RSRC1: variants seen among roughly 807,000 people sequenced by gnomAD.
The protein encoded by RSRC1 is serine/Arginine-related protein 53.
Under a neutral mutation model 49.1 loss-of-function variants are expected in RSRC1, and 39 were observed. That is an observed-to-expected ratio of 0.79 (90% CI 0.61 to 1.04). The LOEUF (loss-of-function observed/expected upper bound fraction) is 1.04. Among genes scored for constraint, RSRC1 ranks in the 50% least tolerant of loss-of-function variants. The pLI is 0.00. For missense variants in RSRC1, 388 were observed against 402.4 expected (o/e 0.96, Z 0.31); for synonymous variants, 143 against 130.8 (o/e 1.09, Z -0.63).
chr3:158,180,612 C>T (rs1719542196), intron 3 of RSRC1, among the ~76,000 whole-genome samples: 1 of 149,740 alleles, frequency 6.7e-6, no homozygotes, highest in Non-Finnish European at 1.5e-5. Context: ...ACAGATGTGC[C>T]TCTAGACCAC....
chr3:158,276,073 T>A, intron 4 of RSRC1: 1 of 871,864 alleles, frequency 1.1e-6, no homozygotes, highest in Non-Finnish European at 1.9e-6. Context: ...CCAGTAAGAA[T>A]TCAGGACTCT....
chr3:158,191,668 A>G (rs1720253766), intron 3 of RSRC1, among the ~76,000 whole-genome samples: 1 of 152,110 alleles, frequency 6.6e-6, no homozygotes. Context: ...TTTGCTTATA[A>G]TAGATCTCCA....
intron 7 of RSRC1, among the ~76,000 whole-genome samples, chr3:158,465,222 A>G (rs1015142021): frequency 1.3e-5 from 2 of 152,130 alleles, no homozygotes; most frequent in African/African-American, 4.8e-5. Flanking sequence ...TCAATGTAAG[A>G]TACTCATAGT....
At chr3:158,493,121 A>G (rs1739156450) in intron 7 of RSRC1, among the ~76,000 whole-genome samples, 1 of 152,184 alleles carries the variant, frequency 6.6e-6, no homozygotes, top group African/African-American at 2.4e-5. Context: ...ACAGAATTGG[A>G]GGAAGTAGAT....
chr3:158,477,954 A>C (rs1215936725), intron 7 of RSRC1, among the ~76,000 whole-genome samples: 1 of 151,152 alleles, frequency 6.6e-6, no homozygotes, highest in East Asian at 1.9e-4. Flanking sequence ...TATTCTTAAA[A>C]TTCAAATTGT....
At chr3:158,205,496 A>G (rs1279143968) in intron 4 of RSRC1, among the ~76,000 whole-genome samples, 1 of 152,090 alleles carries the variant, frequency 6.6e-6, no homozygotes, top group Non-Finnish European at 1.5e-5. Context: ...AAGGATATAA[A>G]TGTTAGTGCC....
intron 7 of RSRC1, among the ~76,000 whole-genome samples, chr3:158,498,872 T>A (rs1200768946): frequency 6.6e-6 from 1 of 152,154 alleles, no homozygotes; most frequent in Non-Finnish European, 1.5e-5. Context: ...CGAAGATCAG[T>A]TGGCTGGAAG....
intron 4 of RSRC1, among the ~76,000 whole-genome samples, chr3:158,285,724 A>G (rs966331532): frequency 6.6e-6 from 1 of 151,942 alleles, no homozygotes; most frequent in African/African-American, 2.4e-5. Context: ...AATGCTTGTG[A>G]TTTTTGTACA....
chr3:158,421,163 A>G (rs1560034768), intron 6 of RSRC1, among the ~76,000 whole-genome samples: 1 of 151,908 alleles, frequency 6.6e-6, no homozygotes, highest in Non-Finnish European at 1.5e-5. Flanking sequence ...ACCTTGGTAC[A>G]TTTTCAGAAC....
intron 3 of RSRC1, among the ~76,000 whole-genome samples, chr3:158,153,120 C>G (rs1413506659): frequency 6.6e-6 from 1 of 152,128 alleles, no homozygotes; most frequent in Non-Finnish European, 1.5e-5. Flanking sequence ...GCAACTTTCT[C>G]CCTATACCTT....
rs1713203475 is a variant in RSRC1, at chr3:158,544,259, G to T, written c.989G>T (p.Gly330Val). The T allele has an allele frequency of 6.2e-7, 1 of 1,608,710 alleles. No individual in the cohort carries two copies. Among genetic ancestry groups the T allele is most frequent in the African/African-American group, 1.3e-5 (1 of 74,796 alleles). ...GCTCTCCGACAAGAAAGACTAATGG[G>T]CAGTCCTGTGGCCTAAGTAATATAC... The part of the protein sequence containing the change: ...LIALRQERLM[G>V]SPVA The change falls in exon 10 of 10, where the codon GGC (glycine) becomes GTC (valine). Residue 330 changes from glycine (G) to valine (V), a missense_variant. Coordinates refer to ENST00000611884, the MANE Select transcript of RSRC1 (RefSeq NM_001271838.2).
chr3:158,370,608 G>A (rs1034272688), intron 6 of RSRC1, among the ~76,000 whole-genome samples: 1 of 151,706 alleles, frequency 6.6e-6, no homozygotes, highest in Non-Finnish European at 1.5e-5. Context: ...CTGCTGAATA[G>A]TATTTCATTG....
intron 6 of RSRC1, among the ~76,000 whole-genome samples, chr3:158,445,173 T>A (rs1736629653): frequency 6.6e-6 from 1 of 152,172 alleles, no homozygotes; most frequent in South Asian, 2.1e-4. Context: ...CAAAGGAATA[T>A]AAATCATGCT....
At chr3:158,277,063 T>TCCTGTAAACA (rs1326843324) in intron 4 of RSRC1, among the ~76,000 whole-genome samples, 1 of 152,202 alleles carries the variant, frequency 6.6e-6, no homozygotes, top group Non-Finnish European at 1.5e-5. Context: ...ATTGAAGGTA[T>TCCTGTAAACA]CCTGTAAACA....
At chr3:158,197,405 A>T (rs1720699800) in intron 3 of RSRC1, among the ~76,000 whole-genome samples, 1 of 151,538 alleles carries the variant, frequency 6.6e-6, no homozygotes, top group South Asian at 2.1e-4. Flanking sequence ...CTTCTTTATT[A>T]GTCTTGGTAG....
Position 158,122,569 on chromosome 3 carries a change from ATTT to A in RSRC1, c.194+272_194+274del, listed in dbSNP as rs1392734637. Among the ~76,000 whole-genome samples, 3 of 151,608 alleles carry A rather than the reference ATTT, an allele frequency of 2.0e-5. No homozygotes were observed. The East Asian group carries it at 5.8e-4, about 29-fold the overall frequency. ...AATTTTTTTTCTAGTGCATTTATTT[ATTT>A]ATTTTTCTAATGAATTATTTTTTAT... On this transcript the variant is annotated intron_variant, in intron 2 of 9. Coordinates refer to ENST00000611884, the MANE Select transcript of RSRC1 (RefSeq NM_001271838.2).
intron 4 of RSRC1, among the ~76,000 whole-genome samples, chr3:158,279,105 A>C (rs572272991): frequency 9.8e-5 from 15 of 152,304 alleles, no homozygotes; most frequent in Admixed American, 2.0e-4. Context: ...TATGATTCTT[A>C]TACACTGGTA....
chr3:158,306,350 C>T (rs997220174), intron 5 of RSRC1, among the ~76,000 whole-genome samples: 3 of 151,656 alleles, frequency 2.0e-5, no homozygotes, highest in African/African-American at 4.8e-5. Context: ...TTTATTTGTT[C>T]AGTGCTAGAT....
chr3:158,445,664 G>A (rs1163359380), intron 6 of RSRC1, among the ~76,000 whole-genome samples: 7 of 151,562 alleles, frequency 4.6e-5, no homozygotes, highest in Non-Finnish European at 5.9e-5. Context: ...CAACAACAAC[G>A]AAAAAAACGA....
Sources: allele counts gnomAD v4.1 joint callset (sites outside exome capture counted in the v4.1 genomes callset), GRCh38; gene constraint gnomAD v4.1.1; transcripts MANE v1.5; gene names NCBI Gene and HGNC (gene_info 2026-07-23, HGNC 2026-07-21).